CSMD3: variants seen among roughly 807,000 people sequenced by gnomAD.
The protein encoded by CSMD3 is CUB and Sushi multiple domains 3.
CSMD3 carries 177 observed loss-of-function variants against 435.2 expected under a neutral mutation model. The ratio of observed to expected loss-of-function variants is 0.41; its 90% CI spans 0.36 to 0.46. The LOEUF is 0.46. Among genes scored for constraint, CSMD3 ranks in the 20% least tolerant of loss-of-function variants. The probability of loss-of-function intolerance (pLI) is 0.34; values close to 1 mark genes in which losing one functional copy is unlikely to be tolerated. For synonymous variants in CSMD3, 1,656 were observed against 1,520.5 expected, an observed-to-expected ratio of 1.09 and a Z score of -2.07; for missense variants, 4,265 against 4,504.6, an observed-to-expected ratio of 0.95 and a Z score of 1.52.
intron 9 of CSMD3, among the ~76,000 whole-genome samples, chr8:112,926,224 C>G (rs1274346017): frequency 4.8e-5 from 7 of 146,274 alleles, no homozygotes; most frequent in Admixed American, 3.6e-4. Flanking sequence ...TTAAGAAAAA[C>G]TTACACTCAT....
At chr8:112,542,476 A>G (rs1423200291) in intron 27 of CSMD3, among the ~76,000 whole-genome samples, 1 of 152,038 alleles carries the variant, frequency 6.6e-6, no homozygotes, top group Non-Finnish European at 1.5e-5. Context: ...AGGATACAAA[A>G]TCAACATACA....
chr8:112,403,440 G>A (rs529092279), intron 35 of CSMD3, among the ~76,000 whole-genome samples: 1 of 152,116 alleles, frequency 6.6e-6, no homozygotes, highest in African/African-American at 2.4e-5. Context: ...GACAATTCAG[G>A]CTGCTATAAC....
At chr8:112,392,959 A>G (rs544195859) in intron 35 of CSMD3, among the ~76,000 whole-genome samples, 1 of 145,978 alleles carries the variant, frequency 6.9e-6, no homozygotes, top group African/African-American at 2.6e-5. Context: ...TCAAATTCCT[A>G]GGCTCAAGCA....
At chr8:112,625,488 T>TATAC (rs1834405416) in intron 22 of CSMD3, among the ~76,000 whole-genome samples, 1 of 152,158 alleles carries the variant, frequency 6.6e-6, no homozygotes, top group South Asian at 2.1e-4. Context: ...GTTAATATTT[T>TATAC]ATACCTGCAA....
intron 1 of CSMD3, among the ~76,000 whole-genome samples, chr8:113,369,396 A>G (rs1370675079): frequency 6.6e-6 from 1 of 152,022 alleles, no homozygotes; most frequent in Admixed American, 6.6e-5. Context: ...CATAAAAAAG[A>G]TAAAAGATGA....
At chr8:112,958,135 G>C (rs1433271229) in intron 7 of CSMD3, among the ~76,000 whole-genome samples, 4 of 152,114 alleles carry the variant, frequency 2.6e-5, no homozygotes, top group African/African-American at 9.7e-5. Context: ...GGGAGGAAGT[G>C]ATTTTAAAAA....
intron 5 of CSMD3, among the ~76,000 whole-genome samples, chr8:113,081,617 C>G (rs910973942): frequency 6.6e-5 from 10 of 152,130 alleles, no homozygotes; most frequent in African/African-American, 2.2e-4. Context: ...AGGACCCAAG[C>G]TGCTACAGCA....
At chr8:112,718,327 T>A (rs371662085) in intron 13 of CSMD3, among the ~76,000 whole-genome samples, 1 of 152,014 alleles carries the variant, frequency 6.6e-6, no homozygotes, top group Non-Finnish European at 1.5e-5. Context: ...AGAGGTTTCA[T>A]AATAAATGAA....
intron 63 of CSMD3, among the ~76,000 whole-genome samples, chr8:112,248,438 A>G (rs1242935525): frequency 2.0e-5 from 3 of 152,144 alleles, no homozygotes; most frequent in Non-Finnish European, 4.4e-5. Flanking sequence ...GCCTGGGGAA[A>G]AAAGTCATTT....
At chr8:112,246,592 T>C (rs1402152297) in intron 64 of CSMD3, among the ~76,000 whole-genome samples, 1 of 152,230 alleles carries the variant, frequency 6.6e-6, no homozygotes, top group Non-Finnish European at 1.5e-5. Context: ...CAAGTGCCCA[T>C]GAATATTTCC....
rs907119006 is a variant in CSMD3 at position 112,592,313 on chromosome 8, A to AT, written c.3716-5079dup. Among the ~76,000 whole-genome samples, 63 of 151,948 alleles carry AT rather than the reference A, an allele frequency of 4.1e-4. 1 individual carries two copies. The highest frequency in any genetic ancestry group is 1.5e-3 in the African/African-American group (63 of 41,496). ...ATTGGTATTACTTGCATACAGTCTT[A>AT]TTTTTTCTTTCTTTTGTTCTTCTTA... On this transcript the variant is annotated intron_variant, in intron 22 of 70. Transcript: ENST00000297405.
At position 113,278,618 on chromosome 8, in the gene CSMD3, G is replaced by T. The variant is rs758679842; in HGVS notation, c.488C>A (p.Ala163Asp). 4 of 1,575,716 alleles carry T rather than the reference G, an allele frequency of 2.5e-6. No individual in the cohort carries two copies. The highest frequency in any genetic ancestry group is 3.5e-6 in the Non-Finnish European group (4 of 1,145,550). Residue 163 changes from alanine (A) to aspartate (D), a missense_variant, in exon 3 of 71, where the codon GCT (alanine) becomes GAT (aspartate). Transcript: ENST00000297405. ...TTCGTAATATACCTTAAATCCATGA[G>T]CACTAACTGCAAAATCACTGGTCAA... is the stretch of plus-strand genomic sequence containing the variant. ...LRLTSDFAVS[A>D]HGFKVYYEEL... is the part of the protein sequence containing the mutation.
At chr8:112,468,446 T>C (rs1268041278) in intron 32 of CSMD3, among the ~76,000 whole-genome samples, 1 of 151,786 alleles carries the variant, frequency 6.6e-6, no homozygotes, top group Non-Finnish European at 1.5e-5. Context: ...CCAGGATTGT[T>C]AAAATAGAAA....
intron 27 of CSMD3, among the ~76,000 whole-genome samples, chr8:112,543,404 C>T (rs544793550): frequency 2.1e-4 from 32 of 151,986 alleles, no homozygotes; most frequent in Non-Finnish European, 4.1e-4. Flanking sequence ...TAGCAAATGA[C>T]TGATAAAAAA....
At chr8:112,281,521 T>C (rs969657300) in intron 58 of CSMD3, among the ~76,000 whole-genome samples, 171 bp from the exon 59 acceptor site, 1 of 152,208 alleles carries the variant, frequency 6.6e-6, no homozygotes, top group African/African-American at 2.4e-5. Flanking sequence ...GTATGTTGAT[T>C]TTATTCGCTT....
intron 3 of CSMD3, among the ~76,000 whole-genome samples, chr8:113,256,557 A>G (rs2093382395): frequency 6.6e-6 from 1 of 152,224 alleles, no homozygotes; most frequent in Admixed American, 6.5e-5. Context: ...TAACTTTACA[A>G]TTGTCAAGAA....
intron 6 of CSMD3, among the ~76,000 whole-genome samples, chr8:113,004,071 G>C (rs956299590): frequency 6.6e-6 from 1 of 152,116 alleles, no homozygotes; most frequent in South Asian, 2.1e-4. Context: ...TAACCATCTT[G>C]ATTCAAGAGT....
intron 33 of CSMD3, among the ~76,000 whole-genome samples, chr8:112,408,638 C>A (rs1323580306): frequency 6.6e-6 from 1 of 151,890 alleles, no homozygotes; most frequent in Non-Finnish European, 1.5e-5. Context: ...TTGCCTCATT[C>A]TTCAAAGAAT....
At chr8:112,457,370 G>T (rs1052302352) in intron 32 of CSMD3, among the ~76,000 whole-genome samples, 1 of 152,018 alleles carries the variant, frequency 6.6e-6, no homozygotes, top group Non-Finnish European at 1.5e-5. Context: ...TAGTAAGCCT[G>T]TACAATTTTA....
Sources: allele counts gnomAD v4.1 joint callset (sites outside exome capture counted in the v4.1 genomes callset), GRCh38; gene constraint gnomAD v4.1.1; transcripts MANE v1.5; gene names NCBI Gene and HGNC (gene_info 2026-07-23, HGNC 2026-07-21).